Variants in AP5Z1 observed in about 807,000 individuals in gnomAD.
AP5Z1 encodes the protein AP-5 complex subunit zeta-1.
A neutral mutation model predicts 83.0 loss-of-function variants in AP5Z1; 106 were observed. The ratio of observed to expected loss-of-function variants is 1.28; its 90% CI spans 1.09 to 1.50. The LOEUF (loss-of-function observed/expected upper bound fraction) is 1.50, where lower values mean the gene tolerates loss of function less well. Ranked by LOEUF, AP5Z1 falls within the 40% of genes most tolerant of loss-of-function variation. The pLI, the probability that AP5Z1 is intolerant of heterozygous loss-of-function variation, is 0.00. For missense variants in AP5Z1, 1,565 were observed against 1,094.2 expected (o/e 1.43, Z -6.07); for synonymous variants, 751 against 514.1 (o/e 1.46, Z -6.23).
chr7:4,791,118 C>CTCTT lies in AP5Z1; in HGVS notation c.2159_2162dup (p.Leu721PhefsTer43). The CTCTT allele has an allele frequency of 6.3e-7, 1 of 1,589,804 alleles. No homozygotes were observed. Among genetic ancestry groups the CTCTT allele is most frequent in the Non-Finnish European group, 8.6e-7 (1 of 1,166,684 alleles). ...CGGAGGGACCTTCTTTCCCCAGGGC[C>CTCTT]TCTTTATTGCTGTCAAAGATGAGGA... On this transcript the variant is annotated frameshift_variant, in exon 17 of 17. Coordinates refer to ENST00000649063, the MANE Select transcript of AP5Z1 (RefSeq NM_014855.3). LOFTEE classifies it low-confidence loss of function (END_TRUNC).
Position 4,790,805 on chromosome 7 carries a change from C to T in AP5Z1, c.2071C>T (p.Pro691Ser), listed in dbSNP as rs1234018634. The T allele has an allele frequency of 1.9e-6, 3 of 1,609,190 alleles. No homozygotes were observed. Among genetic ancestry groups the T allele is most frequent in the South Asian group, 1.1e-5 (1 of 90,126 alleles). Residue 691 changes from proline to serine, a missense_variant, in exon 16 of 17, where the codon CCC becomes TCC. Pro to Ser is a moderately conservative substitution (Grantham distance 74). Coordinates refer to ENST00000649063, the MANE Select transcript of AP5Z1 (RefSeq NM_014855.3). The stretch of plus-strand genomic sequence containing the variant: ...CCAGTGCCGCCCCTCTGCTGCCCTG[C>T]CCAGGTGTCCCCCCCAGGTGGTCAC... ...VTQCRPSAAL[P>S]RCPPQVVTVL...
intron 10 of AP5Z1, among the ~76,000 whole-genome samples, chr7:4,787,248 C>T (rs147716800): frequency 2.3e-3 from 354 of 152,040 alleles, no homozygotes; most frequent in African/African-American, 8.0e-3. Context: ...ATCCCAGCAC[C>T]TCGGGAGGCC....
intron 3 of AP5Z1, among the ~76,000 whole-genome samples, chr7:4,782,436 G>A (rs1781406919): frequency 6.6e-6 from 1 of 152,198 alleles, no homozygotes; most frequent in African/African-American, 2.4e-5. Flanking sequence ...CTCTGCTCAT[G>A]GGTTGCCCAG....
chr7:4,775,751 G>A lies in AP5Z1; in HGVS notation c.36G>A (p.Gln12=). 6.2e-7 allele frequency: 1 copy of A among 1,605,086 alleles called. No homozygotes were observed. The highest frequency in any genetic ancestry group is 8.5e-7 in the Non-Finnish European group (1 of 1,179,680). Reference sequence around the variant, plus strand: ...CAGGAGCGGAGAGTTTGCTCCACCAGGCCAGGTACGGGGGAGCTGCGGCCC... The same window carrying A: ...CAGGAGCGGAGAGTTTGCTCCACCAAGCCAGGTACGGGGGAGCTGCGGCCC... The part of the protein sequence containing the change: ...FSAGAESLLH[Q]AREIQDEELK... The change falls in exon 1 of 17, where the codon CAG becomes CAA. Residue 12 remains glutamine (Q), a synonymous_variant. Coordinates refer to ENST00000649063, the MANE Select transcript of AP5Z1 (RefSeq NM_014855.3).
In AP5Z1 at chr7:4,791,776, C is replaced by T. The variant is rs1444693887; in HGVS notation, c.*391C>T. The T allele has an allele frequency of 1.9e-5, 4 of 212,750 alleles. No homozygotes were observed. Among genetic ancestry groups the T allele is most frequent in the Admixed American group, 5.4e-5 (1 of 18,648 alleles). The allele number at this position is 212,750 out of a possible 1,614,324, so 13.2% of individuals were successfully genotyped here. A position where few individuals can be genotyped will look rare whatever the true frequency, so the allele number is the denominator to read the frequency against. On this transcript the variant is annotated 3_prime_UTR_variant, in exon 17 of 17. Coordinates refer to ENST00000649063, the MANE Select transcript of AP5Z1 (RefSeq NM_014855.3). Reference sequence around the variant, plus strand: ...AATAAGCGTCTGTATGAAGAGTGCGCGATCAGTTCCGTTACCTGCCCTGCA... The same window carrying T: ...AATAAGCGTCTGTATGAAGAGTGCGTGATCAGTTCCGTTACCTGCCCTGCA...
At chr7:4,780,110 A>T (rs140832942) in intron 1 of AP5Z1, among the ~76,000 whole-genome samples, 188 of 152,232 alleles carry the variant, frequency 1.2e-3, no homozygotes, top group African/African-American at 4.3e-3. Context: ...GGGAGTCCCC[A>T]GAGTCCCCTG....
rs10676677 is a variant in AP5Z1, at chr7:4,777,353, C to CTTTATTTATTTA, written c.41+1621_41+1632dup. Among the ~76,000 whole-genome samples the CTTTATTTATTTA allele has an allele frequency of 4.5e-3, 665 of 148,946 alleles. 9 individuals carry two copies. Among genetic ancestry groups the CTTTATTTATTTA allele is most frequent in the African/African-American group, 0.015 (607 of 39,888 alleles). On this transcript the variant is annotated intron_variant, in intron 1 of 16. Transcript: ENST00000649063. ...CATGAAAAACAAAAGGAAGAGCCCT[C>CTTTATTTATTTA]TTTATTTATTTATTTATTTATTTAT...
intron 13 of AP5Z1, 91 bp from the exon 14 acceptor site, chr7:4,789,741 C>A (rs766230708): frequency 3.6e-4 from 339 of 953,334 alleles, no homozygotes; most frequent in Non-Finnish European, 4.8e-4. Context: ...AGCCCCTCAC[C>A]TGCCCCCCAG....
Position 4,791,342 on chromosome 7 carries a change from T to G in AP5Z1, c.2381T>G (p.Val794Gly). The G allele has an allele frequency of 6.2e-7, 1 of 1,609,468 alleles. No individual in the cohort carries two copies. The highest frequency in any genetic ancestry group is 1.1e-5 in the South Asian group (1 of 90,408). Reference protein sequence around the residue: ...NTALPLALRTVSRLVEREAGL... With the variant: ...NTALPLALRTGSRLVEREAGL... ...GCCCTGCCCCTGGCCCTGCGCACGG[T>G]CAGCCGGCTGGTGGAGAGGGAGGCC... The change falls in exon 17 of 17, where the codon GTC becomes GGC. Residue 794 changes from valine (V) to glycine (G), a missense_variant. By Grantham distance (109) the Val-to-Gly change is moderately radical. Transcript: ENST00000649063.
intron 1 of AP5Z1, 70 bp downstream of exon 1, chr7:4,775,826 A>C: frequency 1.4e-4 from 222 of 1,565,264 alleles, no homozygotes; most frequent in Non-Finnish European, 1.8e-4. Flanking sequence ...GGTGGGTCTC[A>C]CAGGGCAGGG....
chr7:4,781,532 C>T (rs374280375), intron 2 of AP5Z1, 36 bp from the exon 3 acceptor site: 34 of 1,593,420 alleles, frequency 2.1e-5, no homozygotes, highest in Non-Finnish European at 2.6e-5. Flanking sequence ...ACGGTCGTGA[C>T]GTGTTACCGC....
At chr7:4,787,561 C>CTAGCT in intron 10 of AP5Z1, 73 bp from the exon 11 acceptor site, 1 of 1,509,040 alleles carries the variant, frequency 6.6e-7, no homozygotes, top group Non-Finnish European at 8.9e-7. Flanking sequence ...CTGTGGGGCC[C>CTAGCT]TAGCTGGCTC....
At chr7:4,782,850 G>A (rs992797904) in intron 3 of AP5Z1, among the ~76,000 whole-genome samples, 1 of 152,150 alleles carries the variant, frequency 6.6e-6, no homozygotes, top group African/African-American at 2.4e-5. Flanking sequence ...CCCCCCGCCC[G>A]GCACGTGGCC....
In AP5Z1 at chr7:4,791,282, T is replaced by G. The variant is rs373188621; in HGVS notation, c.2321T>G (p.Val774Gly). The change falls in exon 17 of 17, where the codon GTG (valine) becomes GGG (glycine). Residue 774 changes from valine (V) to glycine (G), a missense_variant. By Grantham distance (109) the Val-to-Gly change is moderately radical. Transcript: ENST00000649063. ...AQFVLTPSTEVCSPRYHRDAN... is the reference protein window; with the variant it reads ...AQFVLTPSTEGCSPRYHRDAN... ...TTTGTGCTCACACCCAGCACGGAGG[T>G]GTGCAGCCCCCGCTATCACCGCGAT... The G allele has an allele frequency of 3.1e-6, 5 of 1,612,428 alleles. No homozygotes were observed. The highest frequency in any genetic ancestry group is 4.2e-6 in the Non-Finnish European group (5 of 1,179,834).
chr7:4,784,449 C>T (rs982152428), intron 6 of AP5Z1, 78 bp downstream of exon 6: 51 of 1,465,160 alleles, frequency 3.5e-5, no homozygotes, highest in African/African-American at 5.6e-5. Context: ...GGGACACGGG[C>T]GGAGGTGGGG....
At position 4,786,320 on chromosome 7, in the gene AP5Z1, C is replaced by A; in HGVS notation, c.1203C>A (p.Phe401Leu). 6.2e-7 allele frequency: 1 copy of A among 1,613,820 alleles called. No individual in the cohort carries two copies. The highest frequency in any genetic ancestry group is 8.5e-7 in the Non-Finnish European group (1 of 1,179,804). Residue 401 changes from phenylalanine (F) to leucine (L), a missense_variant, in exon 10 of 17, where the codon TTC (phenylalanine) becomes TTA (leucine). Physicochemically the swap from Phe to Leu is conservative, Grantham distance 22 (BLOSUM62 0). Transcript: ENST00000649063. ...TCACCAGGATCCCGGTGGAGCAGTT[C>A]CACAGCCCCATGCTGGCCTTTGAAT... ...HLFTRIPVEQ[F>L]HSPMLAFEFI...
chr7:4,788,705 A>C (rs1781641081), intron 12 of AP5Z1, 135 bp from the exon 13 acceptor site: 2 of 744,360 alleles, frequency 2.7e-6, no homozygotes, highest in African/African-American at 3.6e-5. Flanking sequence ...CCAGGGGAGC[A>C]GGAGGTCCCG....
intron 1 of AP5Z1, among the ~76,000 whole-genome samples, chr7:4,778,509 T>C (rs376012089): frequency 2.0e-4 from 30 of 151,404 alleles, no homozygotes; most frequent in African/African-American, 6.5e-4. Context: ...GGACATGGAG[T>C]CTGGAGAAGG....
At chr7:4,779,460 ATATAT>A (rs935120362) in intron 1 of AP5Z1, among the ~76,000 whole-genome samples, 9 of 146,750 alleles carry the variant, frequency 6.1e-5, no homozygotes, top group Non-Finnish European at 1.0e-4. Flanking sequence ...TATATAACAT[ATATAT>A]TATATTATAT....
Sources: allele counts gnomAD v4.1 joint callset (sites outside exome capture counted in the v4.1 genomes callset), GRCh38; gene constraint gnomAD v4.1.1; transcripts MANE v1.5; gene names NCBI Gene and HGNC (gene_info 2026-07-23, HGNC 2026-07-21).